CSTPP1: variants seen among roughly 807,000 people sequenced by gnomAD.
The protein encoded by CSTPP1 is UPF0705 protein C11orf49.
chr11:47,130,938 T>A, the CSTPP1 span: 1 of 152,216 alleles, frequency 6.6e-6, no homozygotes, highest in Non-Finnish European at 1.5e-5. Flanking sequence ...CTGGCCTCTG[T>A]GGTAGTACTA....
chr11:47,070,386 C>A, the CSTPP1 span, among the ~76,000 whole-genome samples: 1 of 152,130 alleles, frequency 6.6e-6, no homozygotes, highest in Non-Finnish European at 1.5e-5. Context: ...CCCACTGATA[C>A]CGCCTGACCC....
the CSTPP1 span, among the ~76,000 whole-genome samples, chr11:47,084,915 T>C: frequency 6.6e-6 from 1 of 152,190 alleles, no homozygotes; most frequent in East Asian, 1.9e-4. Flanking sequence ...CCGGGTGCGA[T>C]GGATTACGCC....
At chr11:47,056,489 C>T in the CSTPP1 span, among the ~76,000 whole-genome samples, 3 of 152,178 alleles carry the variant, frequency 2.0e-5, no homozygotes, top group African/African-American at 7.2e-5. Flanking sequence ...TAGCAGCTGC[C>T]AGTGACTCAT....
chr11:47,128,786 G>A, the CSTPP1 span, among the ~76,000 whole-genome samples: 1 of 152,112 alleles, frequency 6.6e-6, no homozygotes, highest in Non-Finnish European at 1.5e-5. Context: ...AGAAAACTGA[G>A]GCCTAGAAAA....
chr11:47,009,549 C>A, the CSTPP1 span, among the ~76,000 whole-genome samples: 1 of 152,280 alleles, frequency 6.6e-6, no homozygotes, highest in African/African-American at 2.4e-5. Context: ...GTAATCCCAG[C>A]ACTTTGGGAG....
chr11:47,048,376 T>C, the CSTPP1 span, among the ~76,000 whole-genome samples: 1 of 151,948 alleles, frequency 6.6e-6, no homozygotes, highest in Admixed American at 6.6e-5. Context: ...TCCCAACACT[T>C]TGGGAAGGTA....
chr11:47,089,327 A>G, the CSTPP1 span, among the ~76,000 whole-genome samples: 2 of 152,178 alleles, frequency 1.3e-5, no homozygotes, highest in African/African-American at 4.8e-5. Flanking sequence ...GTGTATATAT[A>G]TATTTATATA....
At chr11:47,036,233 A>G in the CSTPP1 span, among the ~76,000 whole-genome samples, 1 of 57,606 alleles carries the variant, frequency 1.7e-5, no homozygotes, top group African/African-American at 5.3e-5. Flanking sequence ...TATATATAAT[A>G]TATTATATTT....
At chr11:47,086,234 C>CAAAAAAAAAACAAAA in the CSTPP1 span, among the ~76,000 whole-genome samples, 1 of 89,434 alleles carries the variant, frequency 1.1e-5, no homozygotes, top group African/African-American at 4.6e-5. Context: ...ACTAAAAATC[C>CAAAAAAAAAACAAAA]AAAAAAAAAA....
chr11:47,021,024 AGG>A, the CSTPP1 span, among the ~76,000 whole-genome samples: 1 of 152,236 alleles, frequency 6.6e-6, no homozygotes, highest in Admixed American at 6.5e-5. Context: ...TTACCATGTT[AGG>A]CCATTTAAAA....
chr11:46,949,629 A>C, the CSTPP1 span, among the ~76,000 whole-genome samples: 1 of 151,976 alleles, frequency 6.6e-6, no homozygotes, highest in African/African-American at 2.4e-5. Flanking sequence ...TCACATTATA[A>C]ATTTTTTCTT....
the CSTPP1 span, among the ~76,000 whole-genome samples, chr11:47,138,382 G>T: frequency 6.6e-6 from 1 of 152,178 alleles, no homozygotes; most frequent in Non-Finnish European, 1.5e-5. Flanking sequence ...AATTCGGGTT[G>T]AGATTTAGGT....
At chr11:47,006,755 ATT>A in the CSTPP1 span, among the ~76,000 whole-genome samples, 19 of 129,818 alleles carry the variant, frequency 1.5e-4, no homozygotes, top group Admixed American at 1.6e-4. Flanking sequence ...CACTCAGCTA[ATT>A]TTTTTTTTTT....
the CSTPP1 span, among the ~76,000 whole-genome samples, chr11:47,085,069 T>C: frequency 2.6e-5 from 4 of 152,032 alleles, no homozygotes; most frequent in Admixed American, 6.6e-5. Flanking sequence ...CTGGGCGTGG[T>C]GGTGGACACC....
chr11:46,974,312 G>A, the CSTPP1 span, among the ~76,000 whole-genome samples: 2 of 152,054 alleles, frequency 1.3e-5, no homozygotes, highest in African/African-American at 2.4e-5. Flanking sequence ...CAGATCGCTT[G>A]AGGTCAAGAG....
chr11:47,117,838 CT>C, the CSTPP1 span, among the ~76,000 whole-genome samples: 1 of 145,742 alleles, frequency 6.9e-6, no homozygotes, highest in Non-Finnish European at 1.5e-5. Flanking sequence ...TCTTTTTAGT[CT>C]TTTTTCTCTA....
chr11:47,159,002 A>C, the CSTPP1 span, among the ~76,000 whole-genome samples: 1 of 152,234 alleles, frequency 6.6e-6, no homozygotes, highest in Non-Finnish European at 1.5e-5. Context: ...CAGCAGGCTA[A>C]GTACTGTGCT....
the CSTPP1 span, among the ~76,000 whole-genome samples, chr11:47,129,830 G>A: frequency 1.3e-5 from 2 of 152,012 alleles, no homozygotes; most frequent in African/African-American, 2.4e-5. Context: ...AGTTGTTTTT[G>A]TTCATTTTAA....
chr11:47,123,919 T>C, the CSTPP1 span, among the ~76,000 whole-genome samples: 2 of 146,516 alleles, frequency 1.4e-5, no homozygotes, highest in Non-Finnish European at 3.0e-5. Flanking sequence ...GCCATTGCAC[T>C]TCAGCCTGGG....
Sources: allele counts gnomAD v4.1 joint callset (sites outside exome capture counted in the v4.1 genomes callset), GRCh38; gene constraint gnomAD v4.1.1; transcripts MANE v1.5; gene names NCBI Gene and HGNC (gene_info 2026-07-23, HGNC 2026-07-21).